GALNTL6: variants seen among roughly 807,000 people sequenced by gnomAD.
GALNTL6 encodes the protein polypeptide N-acetylgalactosaminyltransferase-like 6.
Under a neutral mutation model 73.7 loss-of-function variants are expected in GALNTL6, and 46 were observed. That is an observed-to-expected ratio of 0.62 (90% confidence interval 0.49 to 0.80). The LOEUF (loss-of-function observed/expected upper bound fraction) is 0.80. GALNTL6 is among the 30% of genes least tolerant of loss of function. GALNTL6 has a pLI of 0.00. For missense variants in GALNTL6, 604 were observed against 755.0 expected (o/e 0.80, Z 2.34); for synonymous variants, 259 against 263.7 (o/e 0.98, Z 0.17).
At chr4:172,937,148 C>T (rs574894874) in intron 9 of GALNTL6, among the ~76,000 whole-genome samples, 10 of 152,068 alleles carry the variant, frequency 6.6e-5, no homozygotes, top group African/African-American at 2.4e-4. Context: ...TACTCCTTGA[C>T]TGTAGGGCCT....
At chr4:172,109,356 CTT>C (rs1165822094) in intron 2 of GALNTL6, among the ~76,000 whole-genome samples, 1 of 152,082 alleles carries the variant, frequency 6.6e-6, no homozygotes, top group African/African-American at 2.4e-5. Context: ...ACAGCAGAGA[CTT>C]GGAATGGTCC....
chr4:172,892,371 G>T (rs892084511), intron 8 of GALNTL6, among the ~76,000 whole-genome samples: 1 of 152,130 alleles, frequency 6.6e-6, no homozygotes, highest in Non-Finnish European at 1.5e-5. Context: ...ATAGTTGATT[G>T]TCTTCATTTC....
At chr4:172,567,125 G>A (rs1310206423) in intron 5 of GALNTL6, among the ~76,000 whole-genome samples, 1 of 151,552 alleles carries the variant, frequency 6.6e-6, no homozygotes, top group Non-Finnish European at 1.5e-5. Flanking sequence ...TGTCATCAAA[G>A]ATGTCAGATG....
intron 7 of GALNTL6, among the ~76,000 whole-genome samples, chr4:172,847,120 A>G (rs73000151): frequency 0.028 from 4,190 of 152,270 alleles, 186 homozygotes; most frequent in African/African-American, 0.095. Flanking sequence ...TCTTTTGCCT[A>G]TAGCTTTAAA....
chr4:172,037,980 G>A (rs1741981256), intron 2 of GALNTL6, among the ~76,000 whole-genome samples: 1 of 152,052 alleles, frequency 6.6e-6, no homozygotes, highest in Non-Finnish European at 1.5e-5. Flanking sequence ...TTAGCTGGGA[G>A]TGGTGGCACA....
At chr4:172,453,824 C>T (rs745398355) in intron 5 of GALNTL6, among the ~76,000 whole-genome samples, 2 of 152,140 alleles carry the variant, frequency 1.3e-5, no homozygotes, top group Non-Finnish European at 2.9e-5. Context: ...CTGCGACACC[C>T]TTAGGAGAGA....
intron 5 of GALNTL6, among the ~76,000 whole-genome samples, chr4:172,539,983 T>G (rs1311978260): frequency 1.3e-5 from 2 of 148,174 alleles, no homozygotes; most frequent in Non-Finnish European, 3.0e-5. Flanking sequence ...TGAATAAACT[T>G]GGGGTTAGAA....
chr4:171,956,393 G>A (rs569817374), intron 2 of GALNTL6, among the ~76,000 whole-genome samples: 41 of 152,116 alleles, frequency 2.7e-4, no homozygotes, highest in African/African-American at 9.6e-4. Context: ...TATTTCCTAA[G>A]GATAAATTCC....
intron 2 of GALNTL6, among the ~76,000 whole-genome samples, chr4:172,110,014 T>G (rs904020908): frequency 6.6e-6 from 1 of 152,164 alleles, no homozygotes; most frequent in African/African-American, 2.4e-5. Context: ...CAGCTAAAAT[T>G]TGATCATTGA....
At chr4:172,623,378 AAATT>A (rs1739038608) in intron 5 of GALNTL6, among the ~76,000 whole-genome samples, 1 of 152,140 alleles carries the variant, frequency 6.6e-6, no homozygotes, top group Non-Finnish European at 1.5e-5. Context: ...TTTAAATAAA[AAATT>A]AGAAGAAAGA....
At chr4:172,504,610 T>G (rs1734368778) in intron 5 of GALNTL6, among the ~76,000 whole-genome samples, 1 of 37,582 alleles carries the variant, frequency 2.7e-5, no homozygotes, top group African/African-American at 9.6e-5. Context: ...TTTTTAAAAG[T>G]AAATGCTCTA....
rs1328249046 is a variant in GALNTL6 at position 172,069,371 on chromosome 4, A to G, written c.139-160285A>G. On this transcript the variant is annotated intron_variant, in intron 2 of 12. Coordinates refer to ENST00000506823, the MANE Select transcript of GALNTL6 (RefSeq NM_001034845.3). ...TCAATTATAAATATATGTAGTGTGT[A>G]TATATATGTGTGTGTACATATGTGT... Among the ~76,000 whole-genome samples, 6 of 101,636 alleles carry G rather than the reference A, an allele frequency of 5.9e-5. 1 individual carries two copies. The highest frequency in any genetic ancestry group is 1.1e-4 in the Non-Finnish European group (5 of 47,190). The allele number at this position is 101,636 out of a possible 152,430, so 66.7% of individuals were successfully genotyped here.
chr4:172,093,014 C>T (rs1319122357), intron 2 of GALNTL6, among the ~76,000 whole-genome samples: 1 of 151,734 alleles, frequency 6.6e-6, no homozygotes, highest in African/African-American at 2.4e-5. Flanking sequence ...GCTGGGACTA[C>T]AGGCGCCCAC....
intron 5 of GALNTL6, among the ~76,000 whole-genome samples, chr4:172,731,199 CTCTT>C (rs529085370): frequency 4.3e-4 from 65 of 151,980 alleles, no homozygotes; most frequent in African/African-American, 1.5e-3. Flanking sequence ...TGATGGGAGA[CTCTT>C]TATTACAGCT....
intron 4 of GALNTL6, among the ~76,000 whole-genome samples, chr4:172,335,066 C>T (rs750487829): frequency 2.6e-5 from 4 of 151,650 alleles, no homozygotes; most frequent in Non-Finnish European, 4.4e-5. Context: ...CTGCAAGCTC[C>T]GCCTCCCAGG....
rs2110985407 is a variant in GALNTL6, at chr4:172,809,284, T to C, written c.554-77T>C. ...GGATTCATCAGTCACATACTCTCTA[T>C]GCACAAACAACCGTGAATAATTCAG... On this transcript the variant is annotated intron_variant, in intron 5 of 12. Transcript: ENST00000506823. The surrounding 1 kb of genome is among the most constrained non-coding windows in gnomAD (Gnocchi z 4.4). 8.5e-7 allele frequency: 1 copy of C among 1,177,920 alleles called. No homozygotes were observed. Among genetic ancestry groups the C allele is most frequent in the Non-Finnish European group, 1.3e-6 (1 of 799,286 alleles). The allele number at this position is 1,177,920 out of a possible 1,614,324, so 73.0% of individuals were successfully genotyped here.
At chr4:171,990,464 C>A (rs993258262) in intron 2 of GALNTL6, among the ~76,000 whole-genome samples, 3 of 151,910 alleles carry the variant, frequency 2.0e-5, no homozygotes, top group Non-Finnish European at 4.4e-5. Context: ...TTCAGAGGTG[C>A]CTTCTTAATC....
intron 3 of GALNTL6, among the ~76,000 whole-genome samples, chr4:172,245,928 C>CA (rs1041490052): frequency 4.6e-5 from 7 of 151,968 alleles, no homozygotes; most frequent in Admixed American, 1.3e-4. Context: ...TCATGCCAGA[C>CA]AAAAAACAAC....
At chr4:172,964,647 T>G (rs1369154272) in intron 10 of GALNTL6, among the ~76,000 whole-genome samples, 1 of 152,234 alleles carries the variant, frequency 6.6e-6, no homozygotes, top group Non-Finnish European at 1.5e-5. Flanking sequence ...GTTCTTAACT[T>G]CTTTTCACCT....
Sources: allele counts gnomAD v4.1 joint callset (sites outside exome capture counted in the v4.1 genomes callset), GRCh38; gene constraint gnomAD v4.1.1; non-coding constraint Gnocchi (gnomAD v3.1); transcripts MANE v1.5; gene names NCBI Gene and HGNC (gene_info 2026-07-23, HGNC 2026-07-21).